Variants in MACROD2 observed in about 807,000 individuals in gnomAD.
The protein encoded by MACROD2 is ADP-ribose glycohydrolase MACROD2.
In MACROD2, 36 loss-of-function variants were observed where a neutral mutation model predicts 70.4. The ratio of observed to expected loss-of-function variants is 0.51; its 90% CI spans 0.39 to 0.68. The LOEUF (loss-of-function observed/expected upper bound fraction) is 0.68, where lower values mean the gene tolerates loss of function less well. Among genes scored for constraint, MACROD2 ranks in the 30% least tolerant of loss-of-function variants. The probability of loss-of-function intolerance (pLI) is 0.00; values close to 1 mark genes in which losing one functional copy is unlikely to be tolerated. For synonymous variants in MACROD2, 172 were observed against 178.8 expected, an observed-to-expected ratio of 0.96 and a Z score of 0.30; for missense variants, 496 against 538.4, an observed-to-expected ratio of 0.92 and a Z score of 0.78.
chr20:15,413,371 A>G (rs963732343), intron 6 of MACROD2, among the ~76,000 whole-genome samples: 1 of 152,208 alleles, frequency 6.6e-6, no homozygotes, highest in African/African-American at 2.4e-5. Context: ...TAACTCTGGT[A>G]TTTTATTCCC....
chr20:14,255,103 A>G (rs907307769), intron 3 of MACROD2, among the ~76,000 whole-genome samples: 38 of 152,088 alleles, frequency 2.5e-4, no homozygotes, highest in Admixed American at 2.5e-3. Flanking sequence ...CTGCTGAGAG[A>G]TCCGCTGTTA....
intron 4 of MACROD2, among the ~76,000 whole-genome samples, chr20:14,583,503 C>A (rs1238784038): frequency 6.6e-6 from 1 of 152,154 alleles, no homozygotes; most frequent in Non-Finnish European, 1.5e-5. Flanking sequence ...TGTCATTCTC[C>A]TCACAACTTC....
chr20:15,785,504 G>C (rs1208785681), intron 8 of MACROD2, among the ~76,000 whole-genome samples: 4 of 152,252 alleles, frequency 2.6e-5, no homozygotes, highest in African/African-American at 9.6e-5. Flanking sequence ...ACTCAGTAGG[G>C]GAGAAAAAAC....
At chr20:15,050,078 TA>T (rs1342073199) in intron 5 of MACROD2, among the ~76,000 whole-genome samples, 2 of 152,314 alleles carry the variant, frequency 1.3e-5, no homozygotes, top group East Asian at 3.9e-4. Flanking sequence ...CAGCTTCAGT[TA>T]GCAGAAATCC....
intron 3 of MACROD2, among the ~76,000 whole-genome samples, chr20:14,403,081 GATATTGGGATA>G (rs1216637600): frequency 6.6e-6 from 1 of 152,058 alleles, no homozygotes; most frequent in Non-Finnish European, 1.5e-5. Flanking sequence ...AATTATGTTT[GATATTGGGATA>G]TTAAAGAAAT....
At chr20:15,416,243 C>G (rs1192473968) in intron 6 of MACROD2, among the ~76,000 whole-genome samples, 1 of 152,198 alleles carries the variant, frequency 6.6e-6, no homozygotes, top group Non-Finnish European at 1.5e-5. Context: ...CAATTTTTAA[C>G]TTGGGAAATA....
intron 5 of MACROD2, among the ~76,000 whole-genome samples, chr20:14,932,316 G>A (rs1480921994): frequency 6.6e-6 from 1 of 152,102 alleles, no homozygotes; most frequent in African/African-American, 2.4e-5. Context: ...CTCACTTTCA[G>A]CTAAGCAAGG....
intron 3 of MACROD2, among the ~76,000 whole-genome samples, chr20:14,131,514 C>T (rs1255448007): frequency 6.6e-6 from 1 of 152,124 alleles, no homozygotes; most frequent in African/African-American, 2.4e-5. Flanking sequence ...ATTTCTTTAT[C>T]TCAAAGTAAT....
chr20:14,091,760 C>A (rs1207848405), intron 3 of MACROD2, among the ~76,000 whole-genome samples: 2 of 152,032 alleles, frequency 1.3e-5, no homozygotes, highest in Admixed American at 6.5e-5. Flanking sequence ...TTTATTAATT[C>A]AGTAATTGTT....
At chr20:15,490,021 T>C (rs1184054807) in intron 7 of MACROD2, among the ~76,000 whole-genome samples, 2 of 152,104 alleles carry the variant, frequency 1.3e-5, no homozygotes, top group Non-Finnish European at 2.9e-5. Flanking sequence ...CCACAGCATA[T>C]CATTACTTTC....
chr20:15,011,496 T>C (rs1368941871), intron 5 of MACROD2, among the ~76,000 whole-genome samples: 5 of 152,232 alleles, frequency 3.3e-5, no homozygotes. Context: ...CCTGTGAGGC[T>C]CCGTGATGGG....
chr20:15,484,122 G>A (rs1382312238), intron 7 of MACROD2, among the ~76,000 whole-genome samples: 2 of 148,210 alleles, frequency 1.3e-5, no homozygotes, highest in African/African-American at 2.5e-5. Context: ...CCTCCATTGT[G>A]ATGCTGTTAA....
intron 5 of MACROD2, among the ~76,000 whole-genome samples, chr20:14,958,807 G>T (rs1332058448): frequency 6.6e-6 from 1 of 152,108 alleles, no homozygotes; most frequent in Admixed American, 6.5e-5. Flanking sequence ...TTAAAACACA[G>T]ATAACTGGGC....
intron 6 of MACROD2, among the ~76,000 whole-genome samples, chr20:15,372,872 C>T (rs184125294): frequency 2.6e-5 from 4 of 152,126 alleles, no homozygotes; most frequent in Admixed American, 1.3e-4. Flanking sequence ...GGCAACAAAG[C>T]ATGACCCCAT....
intron 8 of MACROD2, among the ~76,000 whole-genome samples, chr20:15,663,426 G>C (rs909829241): frequency 5.3e-5 from 8 of 151,816 alleles, no homozygotes; most frequent in African/African-American, 1.7e-4. Flanking sequence ...AGTAGAGAAA[G>C]GGTTTCACCA....
In MACROD2 at chr20:14,684,827, C is replaced by T. The variant is rs747817576; in HGVS notation, c.302-16C>T. ...CAAATGCCAAATATAAGCTAACTTTCTTCTTTCTCCCTTAGTGGATGGCTG... is the reference window on the plus strand; with the variant it reads ...CAAATGCCAAATATAAGCTAACTTTTTTCTTTCTCCCTTAGTGGATGGCTG... On this transcript the variant is annotated splice_polypyrimidine_tract_variant and intron_variant, in intron 4 of 17. Coordinates refer to ENST00000684519, the MANE Select transcript of MACROD2 (RefSeq NM_001351661.2). The T allele has an allele frequency of 1.9e-6, 3 of 1,603,462 alleles. No individual in the cohort carries two copies. The highest frequency in any genetic ancestry group is 1.3e-5 in the African/African-American group (1 of 74,728).
rs1370117993 is a variant in MACROD2, at chr20:15,689,860, T to C, written c.646-172885T>C. On this transcript the variant is annotated intron_variant, in intron 8 of 17. Coordinates refer to ENST00000684519, the MANE Select transcript of MACROD2 (RefSeq NM_001351661.2). Reference sequence around the variant, plus strand: ...GGAGAAAGCCCTGTGAGATTCACAGTGTTGACATCAGAAGTCAGTCCATGG... The same window carrying C: ...GGAGAAAGCCCTGTGAGATTCACAGCGTTGACATCAGAAGTCAGTCCATGG... Among the ~76,000 whole-genome samples the C allele has an allele frequency of 2.0e-5, 3 of 152,172 alleles. No homozygotes were observed. In the East Asian group the frequency reaches 5.8e-4, roughly 29 times the overall value.
At chr20:15,233,983 T>TATATATATATATATATATA (rs2076984620) in intron 6 of MACROD2, among the ~76,000 whole-genome samples, 3 of 44,004 alleles carry the variant, frequency 6.8e-5, no homozygotes, top group African/African-American at 2.7e-4. Flanking sequence ...ATATATTTAT[T>TATATATATATATATATATA]TATATATATA....
chr20:14,536,974 C>G (rs2085374166), intron 4 of MACROD2, among the ~76,000 whole-genome samples: 1 of 152,134 alleles, frequency 6.6e-6, no homozygotes, highest in Non-Finnish European at 1.5e-5. Context: ...TATGCAAGTG[C>G]CTGTCTTTGT....
Sources: gnomAD v4.1 joint callset for allele counts (sites outside exome capture counted in the v4.1 genomes callset) on GRCh38, gnomAD v4.1.1 for gene constraint, MANE v1.5 for transcripts, NCBI Gene and HGNC (gene_info 2026-07-23, HGNC 2026-07-21) for gene names.